The following MTA2 variants were observed in gnomAD, a reference collection of about 807,000 sequenced individuals.
MTA2 encodes metastasis associated 1 family member 2, also known as metastasis-associated protein MTA2.
Under a neutral mutation model 87.1 loss-of-function variants are expected in MTA2, and 22 were observed. The ratio of observed to expected loss-of-function variants is 0.25; its 90% CI spans 0.18 to 0.36. The LOEUF (loss-of-function observed/expected upper bound fraction) is 0.36, where lower values mean the gene tolerates loss of function less well. MTA2 is among the 10% of genes least tolerant of loss of function. The pLI, the probability that MTA2 is intolerant of heterozygous loss-of-function variation, is 1.00. For synonymous variants in MTA2, 314 were observed against 310.1 expected (o/e 1.01, Z -0.13); for missense variants, 542 against 853.2 (o/e 0.64, Z 4.54).
At position 62,600,155 on chromosome 11, in the gene MTA2, A is replaced by G; in HGVS notation, c.190+11T>C. On this transcript the variant is annotated intron_variant, in intron 3 of 17. Coordinates refer to ENST00000278823, the MANE Select transcript of MTA2 (RefSeq NM_004739.4). ...TGGGTAGGAGAAAAAGAAAGGGAGGAAGATACTCACTGGCATTACTATCAG... is the reference window on the plus strand; with the variant it reads ...TGGGTAGGAGAAAAAGAAAGGGAGGGAGATACTCACTGGCATTACTATCAG... The G allele has an allele frequency of 6.2e-7, 1 of 1,610,386 alleles. No individual in the cohort carries two copies. The highest frequency in any genetic ancestry group is 1.1e-5 in the South Asian group (1 of 90,980).
At chr11:62,600,761 G>A (rs751262722) in intron 1 of MTA2, 72 bp from the exon 2 acceptor site, 118 of 1,419,752 alleles carry the variant, frequency 8.3e-5, no homozygotes, top group Non-Finnish European at 1.1e-4. Flanking sequence ...CAGGGTAGGA[G>A]AGAAAGTTGG....
chr11:62,595,474 G>A lies in MTA2; in HGVS notation c.1273C>T (p.His425Tyr), dbSNP rs1942085656. ...RGTTEPHSRG[H>Y]LSRPEAQSLS... The stretch of plus-strand genomic sequence containing the variant: ...CTTTGAGCTTCAGGTCTGGATAAAT[G>A]ACCCCTTGAGTGTGGCTCCTAGAAG... The change falls in exon 14 of 18, where the codon CAT (histidine) becomes TAT (tyrosine). Residue 425 changes from histidine (H) to tyrosine (Y), a missense_variant. This residue lies in a region of MTA2 where 269 missense variants were observed against 346.4 expected (regional missense o/e 0.78). Transcript: ENST00000278823. The surrounding 1 kb of genome is among the most constrained non-coding windows in gnomAD (Gnocchi z 4.9). 1.2e-6 allele frequency: 2 copies of A among 1,614,198 alleles called. No individual in the cohort carries two copies.
rs749401377 is a variant in MTA2, at chr11:62,595,516, G to C, written c.1255-24C>G. ...TCCTAGAAGAAGAGCATAGGAAAGA[G>C]AGAGAGCAGAAATCAGCACTGAGGC... On this transcript the variant is annotated intron_variant, in intron 13 of 17. Coordinates refer to ENST00000278823, the MANE Select transcript of MTA2 (RefSeq NM_004739.4). The surrounding 1 kb of genome is among the most constrained non-coding windows in gnomAD (Gnocchi z 4.9). 9.9e-6 allele frequency: 16 copies of C among 1,611,942 alleles called. No homozygotes were observed. The Admixed American group carries it at 1.7e-4, about 17-fold the overall frequency.
At chr11:62,598,808 T>TG (rs1290737222) in intron 3 of MTA2, among the ~76,000 whole-genome samples, 169 bp from the exon 4 acceptor site, 2 of 152,216 alleles carry the variant, frequency 1.3e-5, no homozygotes, top group African/African-American at 4.8e-5. Flanking sequence ...CTTAGCTCTA[T>TG]GCCCCATCAT....
chr11:62,594,112 C>T, intron 17 of MTA2, 72 bp from the exon 18 acceptor site: 5 of 1,550,558 alleles, frequency 3.2e-6, no homozygotes, highest in Non-Finnish European at 4.4e-6. Flanking sequence ...AAGCCCCACA[C>T]TGCAATTATG....
In MTA2 at chr11:62,596,630, C is replaced by T. The variant is rs748061546; in HGVS notation, c.882+7G>A. The T allele has an allele frequency of 1.9e-6, 3 of 1,611,598 alleles. No homozygotes were observed. Among genetic ancestry groups the T allele is most frequent in the African/African-American group, 2.7e-5 (2 of 74,892 alleles). On this transcript the variant is annotated splice_region_variant and intron_variant, in intron 9 of 17. Transcript: ENST00000278823. ...TCCCACTTCTCCTCCTAGTGCCATCCACTTACAAAATCCTGGCGAATATCA... is the reference window on the plus strand; with the variant it reads ...TCCCACTTCTCCTCCTAGTGCCATCTACTTACAAAATCCTGGCGAATATCA...
chr11:62,596,674 T>C lies in MTA2; in HGVS notation c.845A>G (p.Lys282Arg). ...EAMLFEEALE[K>R]YGKDFNDIRQ... ...AATATCATTGAAGTCCTTCCCATAC[T>C]TCTCTAGGGCCTCCTCAAATAGCAT... The change falls in exon 9 of 18, where the codon AAG (lysine) becomes AGG (arginine). Residue 282 changes from lysine to arginine, a missense_variant. By Grantham distance (26) the Lys-to-Arg change is conservative (BLOSUM62 2). Transcript: ENST00000278823. The C allele has an allele frequency of 6.2e-7, 1 of 1,613,754 alleles. No homozygotes were observed. The highest frequency in any genetic ancestry group is 8.5e-7 in the Non-Finnish European group (1 of 1,179,780).
Position 62,600,698 on chromosome 11 carries a change from G to C in MTA2, c.29-9C>G. Reference sequence around the variant, plus strand: ...CTCAAAATAGACGTAATCTGTAAGGGAAGGGAGGGGGGAGAACCACGAAGA... The same window carrying C: ...CTCAAAATAGACGTAATCTGTAAGGCAAGGGAGGGGGGAGAACCACGAAGA... On this transcript the variant is annotated splice_polypyrimidine_tract_variant and intron_variant, in intron 1 of 17. Transcript: ENST00000278823. 2 of 1,613,000 alleles carry C rather than the reference G, an allele frequency of 1.2e-6. No individual in the cohort carries two copies. The highest frequency in any genetic ancestry group is 1.7e-6 in the Non-Finnish European group (2 of 1,179,260).
rs547321753 is a variant in MTA2 at position 62,597,877 on chromosome 11, G to A, written c.490+147C>T. 39 of 985,478 alleles carry A rather than the reference G, an allele frequency of 4.0e-5. 1 individual carries two copies. In the Admixed American group the frequency reaches 6.1e-4, roughly 15 times the overall value. The allele number at this position is 985,478 out of a possible 1,614,324, so 61.0% of individuals were successfully genotyped here. A position where few individuals can be genotyped will look rare whatever the true frequency, so the allele number is the denominator to read the frequency against. On this transcript the variant is annotated intron_variant, in intron 6 of 17. Transcript: ENST00000278823. ...CATTTTCCCTTTTCAGGTTCCTACA[G>A]GCCCATTCTGTCAGGGTCATGGCAG...
chr11:62,599,648 T>G, intron 3 of MTA2, among the ~76,000 whole-genome samples: 1 of 111,416 alleles, frequency 9.0e-6, no homozygotes, highest in African/African-American at 3.6e-5. Flanking sequence ...TAGGGCAAAA[T>G]GAAAAGGGAA....
Position 62,600,271 on chromosome 11 carries a change from A to G in MTA2, c.97-12T>C, listed in dbSNP as rs1392267569. ...TTTCCATTTGCAGTCTAAGGGGAGG[A>G]AAAAAACAAAAACAAAACAACGTAG... On this transcript the variant is annotated splice_polypyrimidine_tract_variant and intron_variant, in intron 2 of 17. Coordinates refer to ENST00000278823, the MANE Select transcript of MTA2 (RefSeq NM_004739.4). 1 of 1,610,348 alleles carries G rather than the reference A, an allele frequency of 6.2e-7. No homozygotes were observed. The highest frequency in any genetic ancestry group is 2.2e-5 in the East Asian group (1 of 44,870).
In MTA2 at chr11:62,600,213, C is replaced by T; in HGVS notation, c.143G>A (p.Arg48His). The T allele has an allele frequency of 6.2e-7, 1 of 1,614,118 alleles. No individual in the cohort carries two copies. Among genetic ancestry groups the T allele is most frequent in the Non-Finnish European group, 8.5e-7 (1 of 1,180,018 alleles). ...GTTGAGGCTACTAGAAATGTCCCTGCGCCGGAAAAGACAGACAACCTTTGC... is the reference window on the plus strand; with the variant it reads ...GTTGAGGCTACTAGAAATGTCCCTGTGCCGGAAAAGACAGACAACCTTTGC... ...VEAKVVCLFR[R>H]RDISSSLNSL... The change falls in exon 3 of 18, where the codon CGC becomes CAC. Residue 48 changes from arginine to histidine, a missense_variant. Transcript: ENST00000278823.
chr11:62,597,792 C>T, intron 6 of MTA2, 80 bp from the exon 7 acceptor site: 2 of 1,154,976 alleles, frequency 1.7e-6, no homozygotes, highest in East Asian at 2.3e-5. Flanking sequence ...ATAGCACCTC[C>T]TCCTTCTCTT....
At chr11:62,600,092 G>A in intron 3 of MTA2, 74 bp downstream of exon 3, 1 of 1,387,728 alleles carries the variant, frequency 7.2e-7, no homozygotes, top group Non-Finnish European at 1.0e-6. Context: ...ATGCTACCAG[G>A]GGAAATACCT....
intron 3 of MTA2, chr11:62,599,156 T>G (rs1325790110): frequency 6.4e-6 from 1 of 155,652 alleles, no homozygotes; most frequent in Non-Finnish European, 1.4e-5. Context: ...CTCAAGCCAG[T>G]GCCAACACCT....
chr11:62,595,968 C>G lies in MTA2; in HGVS notation c.1114+42G>C, dbSNP rs1942093353. On this transcript the variant is annotated intron_variant, in intron 12 of 17. Transcript: ENST00000278823. The surrounding 1 kb of genome is among the most constrained non-coding windows in gnomAD (Gnocchi z 4.9). ...CCTCAGATTCTTGAGCCACAGCAGG[C>G]CTTCCACCCATCCCCACCATCCCAG... is the stretch of plus-strand genomic sequence containing the variant. 4 of 1,613,954 alleles carry G rather than the reference C, an allele frequency of 2.5e-6. No individual in the cohort carries two copies. Among genetic ancestry groups the G allele is most frequent in the Non-Finnish European group, 2.5e-6 (3 of 1,179,878 alleles).
chr11:62,597,490 G>C, intron 7 of MTA2, 75 bp from the exon 8 acceptor site: 1 of 1,521,112 alleles, frequency 6.6e-7, no homozygotes. Context: ...TAAGCCAAAG[G>C]AGAAAGAAGG....
Position 62,593,439 on chromosome 11 carries a change from GAAA to G in MTA2, c.*433_*435del, listed in dbSNP as rs769531642. The G allele has an allele frequency of 3.0e-4, 7 of 23,254 alleles. No individual in the cohort carries two copies. Among genetic ancestry groups the G allele is most frequent in the South Asian group, 1.2e-3 (1 of 824 alleles). 1.4% of individuals were successfully genotyped at this position (23,254 alleles called of 1,614,324 possible). A position where few individuals can be genotyped will look rare whatever the true frequency, so the allele number is the denominator to read the frequency against. On this transcript the variant is annotated 3_prime_UTR_variant, in exon 18 of 18. Coordinates refer to ENST00000278823, the MANE Select transcript of MTA2 (RefSeq NM_004739.4). ...GACAGAAAGAGAAACCCCCAATTAG[GAAA>G]AAAAAAAAAAAAAAAAAAAAAAAAG... is the stretch of plus-strand genomic sequence containing the variant.
intron 1 of MTA2, chr11:62,600,979 C>T: frequency 2.0e-6 from 1 of 491,700 alleles, no homozygotes; most frequent in Non-Finnish European, 3.6e-6. Context: ...AGTTGCACCC[C>T]AGTCGCGGCG....
Sources: gnomAD v4.1 joint callset for allele counts (sites outside exome capture counted in the v4.1 genomes callset) on GRCh38, gnomAD v4.1.1 for gene constraint, gnomAD v4.1.1 regional missense constraint, Gnocchi (gnomAD v3.1) non-coding constraint, MANE v1.5 for transcripts, NCBI Gene and HGNC (gene_info 2026-07-23, HGNC 2026-07-21) for gene names.